CYP27C1: variants seen among roughly 807,000 people sequenced by gnomAD.
CYP27C1 encodes the protein cytochrome P450 family 27 subfamily C member 1.
A neutral mutation model predicts 40.6 loss-of-function variants in CYP27C1; 29 were observed. That is an observed-to-expected ratio of 0.71 (90% confidence interval 0.53 to 0.97). The LOEUF (loss-of-function observed/expected upper bound fraction) is 0.97. Ranked by LOEUF, CYP27C1 falls within the 50% of genes least tolerant of loss-of-function variation. CYP27C1 has a pLI of 0.00. For missense variants in CYP27C1, 390 were observed against 485.8 expected, an observed-to-expected ratio of 0.80 and a Z score of 1.85; for synonymous variants, 198 against 186.8, an observed-to-expected ratio of 1.06 and a Z score of -0.49.
intron 8 of CYP27C1, 32 bp downstream of exon 8, chr2:127,193,062 C>T (rs1439105480): frequency 6.2e-7 from 1 of 1,611,810 alleles, no homozygotes; most frequent in Admixed American, 1.7e-5. Flanking sequence ...GAGGCCGAAC[C>T]CAAAGGCCAA....
intron 2 of CYP27C1, among the ~76,000 whole-genome samples, chr2:127,204,350 AG>A (rs1226566029): frequency 4.1e-4 from 12 of 29,424 alleles, no homozygotes; most frequent in Non-Finnish European, 6.5e-4. Flanking sequence ...GGGAGGAGGG[AG>A]GGGGGAGGGA....
rs150670343 is a variant in CYP27C1 at position 127,208,074 on chromosome 2, C to T, written c.283-1984G>A. On this transcript the variant is annotated intron_variant, in intron 1 of 8. Transcript: ENST00000664447. The surrounding 1 kb of genome is among the most constrained non-coding windows in gnomAD (Gnocchi z 5.2). ...GGACCCCCATTTTCCTGTTTCAAGA[C>T]TTAGTATGGGAGAGGGGCCAAGATG... Among the ~76,000 whole-genome samples, 271 of 152,290 alleles carry T rather than the reference C, an allele frequency of 1.8e-3. 1 individual carries two copies. Among genetic ancestry groups the T allele is most frequent in the African/African-American group, 6.2e-3 (256 of 41,558 alleles).
At chr2:127,215,180 C>A (rs897033634) in intron 1 of CYP27C1, among the ~76,000 whole-genome samples, 2 of 151,182 alleles carry the variant, frequency 1.3e-5, no homozygotes, top group African/African-American at 2.4e-5. Flanking sequence ...CAAGACAGTG[C>A]AGTAATGGCA....
intron 1 of CYP27C1, among the ~76,000 whole-genome samples, chr2:127,207,628 C>G (rs1341550441): frequency 6.6e-6 from 1 of 151,850 alleles, no homozygotes; most frequent in Non-Finnish European, 1.5e-5. Flanking sequence ...GAAGATTGTA[C>G]CACCACACTC....
intron 1 of CYP27C1, among the ~76,000 whole-genome samples, chr2:127,215,080 G>T (rs1216525898): frequency 6.7e-6 from 1 of 149,458 alleles, no homozygotes; most frequent in East Asian, 2.0e-4. Flanking sequence ...AGTGAGCTGA[G>T]ATCGCACCAC....
At chr2:127,198,318 T>C (rs759604614) in intron 5 of CYP27C1, among the ~76,000 whole-genome samples, 26 of 152,186 alleles carry the variant, frequency 1.7e-4, no homozygotes, top group Non-Finnish European at 3.5e-4. Flanking sequence ...GGGGAGTGAA[T>C]GAAATGAATT....
Position 127,200,126 on chromosome 2 carries a change from C to T in CYP27C1, c.884-587G>A, listed in dbSNP as rs1573897781. ...TCCCAAGTAGCTGGAATTACAGGCA[C>T]GCGCCACCACGCCCAGCTAATTTTT... is the stretch of plus-strand genomic sequence containing the variant. On this transcript the variant is annotated intron_variant, in intron 4 of 8. Coordinates refer to ENST00000664447, the MANE Select transcript of CYP27C1 (RefSeq NM_001367502.1). This position sits in a 1 kb window ranked among gnomAD's most constrained non-coding sequence, Gnocchi z 4.2. Among the ~76,000 whole-genome samples the T allele has an allele frequency of 6.6e-6, 1 of 152,164 alleles. No homozygotes were observed. Among genetic ancestry groups the T allele is most frequent in the Non-Finnish European group, 1.5e-5 (1 of 68,038 alleles).
In CYP27C1 at chr2:127,218,225, G is replaced by A. The variant is rs1029950890; in HGVS notation, c.282+1764C>T. Reference sequence around the variant, plus strand: ...CCTGACTGGATACAGGCTTTAACACGGTCCGTCTCAAAGAAACCTGTGCCC... The same window carrying A: ...CCTGACTGGATACAGGCTTTAACACAGTCCGTCTCAAAGAAACCTGTGCCC... On this transcript the variant is annotated intron_variant, in intron 1 of 8. Coordinates refer to ENST00000664447, the MANE Select transcript of CYP27C1 (RefSeq NM_001367502.1). The surrounding 1 kb of genome is among the most constrained non-coding windows in gnomAD (Gnocchi z 6.0). Among the ~76,000 whole-genome samples the A allele has an allele frequency of 6.6e-6, 1 of 152,110 alleles. No individual in the cohort carries two copies. The highest frequency in any genetic ancestry group is 1.5e-5 in the Non-Finnish European group (1 of 68,030).
In CYP27C1 at chr2:127,185,494, A is replaced by T. The variant is rs942704166; in HGVS notation, c.*1777T>A. On this transcript the variant is annotated 3_prime_UTR_variant, in exon 9 of 9. Coordinates refer to ENST00000664447, the MANE Select transcript of CYP27C1 (RefSeq NM_001367502.1). This position sits in a 1 kb window ranked among gnomAD's most constrained non-coding sequence, Gnocchi z 4.9. ...TCAGTCTCAAACAGAATGCAATTTC[A>T]TCTAGTTTATAAAACTTAATATACG... The T allele has an allele frequency of 1.3e-5, 2 of 152,256 alleles. No individual in the cohort carries two copies. The highest frequency in any genetic ancestry group is 4.8e-5 in the African/African-American group (2 of 41,474). 9.4% of individuals were successfully genotyped at this position (152,256 alleles called of 1,614,324 possible). A position where few individuals can be genotyped will look rare whatever the true frequency, so the allele number is the denominator to read the frequency against.
intron 3 of CYP27C1, among the ~76,000 whole-genome samples, chr2:127,202,345 C>G (rs887711397): frequency 3.9e-5 from 6 of 152,136 alleles, no homozygotes; most frequent in Non-Finnish European, 7.4e-5. Context: ...AGACTGGTCT[C>G]AAACTCCTGA....
intron 1 of CYP27C1, among the ~76,000 whole-genome samples, chr2:127,215,772 A>G (rs906276302): frequency 1.3e-5 from 2 of 151,358 alleles, no homozygotes; most frequent in African/African-American, 4.8e-5. Context: ...CACATATCTG[A>G]TAAGGGACTT....
At chr2:127,192,903 TG>T (rs1375224705) in intron 8 of CYP27C1, among the ~76,000 whole-genome samples, 190 bp downstream of exon 8, 2 of 152,274 alleles carry the variant, frequency 1.3e-5, no homozygotes, top group African/African-American at 4.8e-5. Flanking sequence ...CTTGAACTCC[TG>T]GGTTCAAGTG....
chr2:127,205,361 A>C (rs991700439), intron 2 of CYP27C1, among the ~76,000 whole-genome samples: 2 of 152,184 alleles, frequency 1.3e-5, no homozygotes, highest in African/African-American at 4.8e-5. Flanking sequence ...GGACCGGGGC[A>C]TCTGCAGGCG....
At chr2:127,212,694 A>G (rs1487630194) in intron 1 of CYP27C1, among the ~76,000 whole-genome samples, 1 of 152,242 alleles carries the variant, frequency 6.6e-6, no homozygotes, top group Non-Finnish European at 1.5e-5. Context: ...TTTATGATAA[A>G]CCCACAGCCA....
rs746160247 is a variant in CYP27C1, at chr2:127,201,176, T to C, written c.829A>G (p.Ile277Val). ...CAGAATTCCCGCCAGGGCTTTGGGA[T>C]GAAGGGGCGAAGCCATCTGGGGATG... Reference protein sequence around the residue: ...GAIPRWLRPFIPKPWREFCRS... With the variant: ...GAIPRWLRPFVPKPWREFCRS... The change falls in exon 4 of 9, where the codon ATC becomes GTC. Residue 277 changes from isoleucine to valine, a missense_variant. Ile to Val is a conservative substitution (Grantham distance 29). Transcript: ENST00000664447. This position sits in a 1 kb window ranked among gnomAD's most constrained non-coding sequence, Gnocchi z 6.0. 5.0e-6 allele frequency: 8 copies of C among 1,614,108 alleles called. No homozygotes were observed. The highest frequency in any genetic ancestry group is 6.8e-6 in the Non-Finnish European group (8 of 1,180,024).
intron 2 of CYP27C1, among the ~76,000 whole-genome samples, chr2:127,203,845 G>A (rs899085629): frequency 2.0e-5 from 3 of 151,876 alleles, no homozygotes; most frequent in Non-Finnish European, 2.9e-5. Flanking sequence ...AAAGTAATAC[G>A]ACTTCCTTTA....
chr2:127,194,967 C>G (rs969739387), intron 6 of CYP27C1, among the ~76,000 whole-genome samples: 1 of 151,788 alleles, frequency 6.6e-6, no homozygotes, highest in African/African-American at 2.4e-5. Flanking sequence ...GTAGCTGGGA[C>G]TACAGGTGCC....
rs1380260302 is a variant in CYP27C1, at chr2:127,184,633, A to T, written c.*2638T>A. On this transcript the variant is annotated 3_prime_UTR_variant, in exon 9 of 9. Transcript: ENST00000664447. ...CACCATGTTGGCCAGGCTGGTCTGG[A>T]ACCCCTGACCTCAGGTTATCCGCCC... The T allele has an allele frequency of 6.6e-6, 1 of 152,202 alleles. No individual in the cohort carries two copies. Among genetic ancestry groups the T allele is most frequent in the African/African-American group, 2.4e-5 (1 of 41,418 alleles). 9.4% of individuals were successfully genotyped at this position (152,202 alleles called of 1,614,324 possible).
chr2:127,205,578 G>T, intron 2 of CYP27C1: 1 of 590,562 alleles, frequency 1.7e-6, no homozygotes, highest in Non-Finnish European at 2.1e-6. Context: ...AGACAAGGGC[G>T]CTGTGAGTTT....
Sources: allele counts gnomAD v4.1 joint callset (sites outside exome capture counted in the v4.1 genomes callset), GRCh38; gene constraint gnomAD v4.1.1; non-coding constraint Gnocchi (gnomAD v3.1); transcripts MANE v1.5; gene names NCBI Gene and HGNC (gene_info 2026-07-23, HGNC 2026-07-21).